RIN3: variants seen among roughly 807,000 people sequenced by gnomAD.
RIN3 encodes the protein Ras and Rab interactor 3.
A neutral mutation model predicts 76.3 loss-of-function variants in RIN3; 54 were observed. The ratio of observed to expected loss-of-function variants is 0.71; its 90% CI spans 0.57 to 0.89. The LOEUF (loss-of-function observed/expected upper bound fraction) is 0.89. Ranked by LOEUF, RIN3 falls within the 40% of genes least tolerant of loss-of-function variation. RIN3 has a pLI of 0.00. For missense variants in RIN3, 1,256 were observed against 1,322.1 expected (o/e 0.95, Z 0.78); for synonymous variants, 576 against 564.0 (o/e 1.02, Z -0.30).
intron 5 of RIN3, among the ~76,000 whole-genome samples, chr14:92,650,452 C>G (rs1887373608): frequency 1.3e-5 from 2 of 152,206 alleles, no homozygotes; most frequent in South Asian, 4.1e-4. Context: ...GATGTTTGCT[C>G]CTCTGATTAT....
intron 4 of RIN3, among the ~76,000 whole-genome samples, chr14:92,638,554 G>T (rs1886862433): frequency 6.6e-6 from 1 of 152,184 alleles, no homozygotes; most frequent in Non-Finnish European, 1.5e-5. Flanking sequence ...GCCTCTGCTG[G>T]CTATTGTGAT....
At chr14:92,531,924 T>C (rs1401472901) in intron 1 of RIN3, among the ~76,000 whole-genome samples, 1 of 147,320 alleles carries the variant, frequency 6.8e-6, no homozygotes, top group Admixed American at 6.8e-5. Context: ...AAGTCTCCCA[T>C]CTCTTATCTT....
At chr14:92,679,434 G>A (rs1361348070) in intron 8 of RIN3, among the ~76,000 whole-genome samples, 3 of 152,256 alleles carry the variant, frequency 2.0e-5, no homozygotes, top group Non-Finnish European at 4.4e-5. Context: ...TCAATAGTCA[G>A]GGTGTGGGAG....
rs1015609997 is a variant in RIN3 at position 92,553,085 on chromosome 14, C to A, written c.45-2666C>A. Among the ~76,000 whole-genome samples, 22 of 149,950 alleles carry A rather than the reference C, an allele frequency of 1.5e-4. No individual in the cohort carries two copies. The East Asian group carries it at 4.1e-3, about 28-fold the overall frequency. On this transcript the variant is annotated intron_variant, in intron 1 of 9. Coordinates refer to ENST00000216487, the MANE Select transcript of RIN3 (RefSeq NM_024832.5). Reference sequence around the variant, plus strand: ...CCAGGTCACACCTAGGGCCACCCAGCAAATGGAGAAGCTTCCTTCTCCCAG... The same window carrying A: ...CCAGGTCACACCTAGGGCCACCCAGAAAATGGAGAAGCTTCCTTCTCCCAG...
chr14:92,667,786 G>A (rs1247277173), intron 7 of RIN3, among the ~76,000 whole-genome samples: 1 of 152,146 alleles, frequency 6.6e-6, no homozygotes, highest in Non-Finnish European at 1.5e-5. Flanking sequence ...GAGGTGGAGG[G>A]CCATGCTCCA....
chr14:92,572,877 CT>C (rs763771909), intron 2 of RIN3, among the ~76,000 whole-genome samples: 60 of 100,098 alleles, frequency 6.0e-4, no homozygotes, highest in African/African-American at 1.6e-3. Flanking sequence ...CTTTTTTTTG[CT>C]TTTTTTTTTT....
chr14:92,613,551 T>A (rs766553011), intron 3 of RIN3, among the ~76,000 whole-genome samples: 1 of 152,130 alleles, frequency 6.6e-6, no homozygotes, highest in Non-Finnish European at 1.5e-5. Context: ...GAACACAACA[T>A]GTTGGTTCGC....
At chr14:92,560,678 G>A (rs1426642714) in intron 2 of RIN3, among the ~76,000 whole-genome samples, 2 of 151,958 alleles carry the variant, frequency 1.3e-5, no homozygotes, top group Admixed American at 6.6e-5. Flanking sequence ...TCACAACAGC[G>A]GTCCCACAGA....
intron 2 of RIN3, among the ~76,000 whole-genome samples, chr14:92,565,383 A>C (rs530794860): frequency 6.6e-6 from 1 of 152,316 alleles, no homozygotes; most frequent in Admixed American, 6.5e-5. Flanking sequence ...CTTGGACCTC[A>C]GGCAAGAAAG....
At chr14:92,601,289 C>G (rs1255266909) in intron 3 of RIN3, among the ~76,000 whole-genome samples, 1 of 152,252 alleles carries the variant, frequency 6.6e-6, no homozygotes, top group Non-Finnish European at 1.5e-5. Context: ...GGGTCTAGAG[C>G]CTCACCAGCC....
intron 4 of RIN3, among the ~76,000 whole-genome samples, chr14:92,624,882 TC>T (rs2140113437): frequency 6.6e-6 from 1 of 152,278 alleles, no homozygotes; most frequent in South Asian, 2.1e-4. Context: ...GATGGGTCCA[TC>T]CTTTCTCGGC....
rs1409849616 is a variant in RIN3, at chr14:92,688,297, C to T, written c.*45C>T. 6.8e-7 allele frequency: 1 copy of T among 1,466,436 alleles called. No individual in the cohort carries two copies. Among genetic ancestry groups the T allele is most frequent in the Middle Eastern group, 1.9e-4 (1 of 5,352 alleles). The allele number at this position is 1,466,436 out of a possible 1,614,324, so 90.8% of individuals were successfully genotyped here. A position where few individuals can be genotyped will look rare whatever the true frequency, so the allele number is the denominator to read the frequency against. On this transcript the variant is annotated 3_prime_UTR_variant, in exon 10 of 10. Transcript: ENST00000216487. ...CCCTCACCCCCAGGCGCACGTCTGGCCCCGCCTCTGGCTGCGCACTCCCGA... is the reference window on the plus strand; with the variant it reads ...CCCTCACCCCCAGGCGCACGTCTGGTCCCGCCTCTGGCTGCGCACTCCCGA...
chr14:92,574,411 CAAAG>C (rs1701303423), intron 2 of RIN3, among the ~76,000 whole-genome samples: 1 of 152,178 alleles, frequency 6.6e-6, no homozygotes, highest in African/African-American at 2.4e-5. Context: ...CACATGGTGA[CAAAG>C]AAAAGGGAAG....
At chr14:92,556,283 C>T (rs1897578096) in intron 2 of RIN3, among the ~76,000 whole-genome samples, 1 of 151,896 alleles carries the variant, frequency 6.6e-6, no homozygotes, top group African/African-American at 2.4e-5. Flanking sequence ...CCTGCTCTGA[C>T]TTTGGGGGCT....
intron 2 of RIN3, among the ~76,000 whole-genome samples, chr14:92,564,809 G>T (rs1897872446): frequency 6.6e-6 from 1 of 152,178 alleles, no homozygotes; most frequent in Non-Finnish European, 1.5e-5. Flanking sequence ...AAAAATGGAG[G>T]AAACGCGCAC....
At chr14:92,641,799 G>A (rs78891011) in intron 5 of RIN3, among the ~76,000 whole-genome samples, 3,340 of 152,302 alleles carry the variant, frequency 0.022, 96 homozygotes, top group African/African-American at 0.064. Context: ...CCACCCTTCC[G>A]AGTTCCTGAG....
At chr14:92,638,089 G>A (rs1422908204) in intron 4 of RIN3, among the ~76,000 whole-genome samples, 4 of 152,172 alleles carry the variant, frequency 2.6e-5, no homozygotes, top group African/African-American at 4.8e-5. Context: ...CTTTCCTCTG[G>A]ACGGAAGAGG....
At chr14:92,557,067 C>CGAA (rs1897607649) in intron 2 of RIN3, among the ~76,000 whole-genome samples, 1 of 152,186 alleles carries the variant, frequency 6.6e-6, no homozygotes, top group African/African-American at 2.4e-5. Flanking sequence ...AATCTGCCTC[C>CGAA]GAAGTCACGT....
chr14:92,536,713 G>A (rs1490469963), intron 1 of RIN3, among the ~76,000 whole-genome samples: 4 of 143,584 alleles, frequency 2.8e-5, no homozygotes, highest in East Asian at 4.1e-4. Context: ...CTGCACTCCA[G>A]CCTGGTGACA....
Sources: gnomAD v4.1 joint callset for allele counts (sites outside exome capture counted in the v4.1 genomes callset) on GRCh38, gnomAD v4.1.1 for gene constraint, MANE v1.5 for transcripts, NCBI Gene and HGNC (gene_info 2026-07-23, HGNC 2026-07-21) for gene names.